WDR49: variants seen among roughly 807,000 people sequenced by gnomAD.
WDR49 encodes WD repeat domain 49, also known as cilia- and flagella-associated protein 337.
Under a neutral mutation model 119.5 loss-of-function variants are expected in WDR49, and 107 were observed. That is an observed-to-expected ratio of 0.90 (90% CI 0.77 to 1.05). The LOEUF is 1.05. WDR49 is among the 50% of genes least tolerant of loss of function. The probability of loss-of-function intolerance (pLI) is 0.00; values close to 1 mark genes in which losing one functional copy is unlikely to be tolerated. For missense variants in WDR49, 1,240 were observed against 1,220.5 expected, an observed-to-expected ratio of 1.02 and a Z score of -0.24; for synonymous variants, 425 against 418.8, an observed-to-expected ratio of 1.01 and a Z score of -0.18.
At chr3:167,548,233 A>G (rs1187432883) in intron 10 of WDR49, among the ~76,000 whole-genome samples, 1 of 151,982 alleles carries the variant, frequency 6.6e-6, no homozygotes, top group Non-Finnish European at 1.5e-5. Context: ...ACAGGATGAC[A>G]CTAAGGGGGC....
intron 16 of WDR49, among the ~76,000 whole-genome samples, chr3:167,519,272 C>T (rs551796805): frequency 3.2e-4 from 48 of 152,238 alleles, no homozygotes; most frequent in African/African-American, 1.1e-3. Context: ...TTTGACCCAG[C>T]AATCTCATTA....
intron 5 of WDR49, among the ~76,000 whole-genome samples, chr3:167,619,483 A>C (rs927870585): frequency 6.6e-6 from 1 of 152,164 alleles, no homozygotes; most frequent in Non-Finnish European, 1.5e-5. Context: ...AAAGAAAAAA[A>C]TGAAGAGCAC....
intron 7 of WDR49, among the ~76,000 whole-genome samples, chr3:167,597,297 A>G (rs1715527214): frequency 6.6e-6 from 1 of 152,254 alleles, no homozygotes; most frequent in Non-Finnish European, 1.5e-5. Context: ...CATGGTGTTG[A>G]GCCTGTGGGT....
At chr3:167,485,258 A>C (rs963160924) in intron 18 of WDR49, among the ~76,000 whole-genome samples, 1 of 152,028 alleles carries the variant, frequency 6.6e-6, no homozygotes, top group Non-Finnish European at 1.5e-5. Flanking sequence ...GGCTTAAAAC[A>C]TAGATGATAG....
intron 16 of WDR49, among the ~76,000 whole-genome samples, chr3:167,517,057 T>G (rs934673671): frequency 6.6e-6 from 1 of 152,032 alleles, no homozygotes; most frequent in Non-Finnish European, 1.5e-5. Context: ...CATTAAAAAG[T>G]CAGGAAACAA....
rs1406424617 is a variant in WDR49, at chr3:167,576,016, G to A, written c.1411C>T (p.Gln471Ter). 1.2e-6 allele frequency: 2 copies of A among 1,614,056 alleles called. No homozygotes were observed. The highest frequency in any genetic ancestry group is 2.2e-5 in the South Asian group (2 of 91,072). The change falls in exon 8 of 19, where the codon CAG becomes TAG. Residue 471 changes from glutamine to a stop codon, truncating the protein, a stop_gained. Transcript: ENST00000682715. LOFTEE classifies it high-confidence loss of function. Reference sequence around the variant, plus strand: ...CTTTTCATTGCCAACAATGCTAGCTGGTTATTAAACGAGATGAAAAGTCGT... The same window carrying A: ...CTTTTCATTGCCAACAATGCTAGCTAGTTATTAAACGAGATGAAAAGTCGT... ...HGRLFISFNN[Q>*]LALLAMKSEA... is the part of the protein sequence containing the mutation.
intron 11 of WDR49, among the ~76,000 whole-genome samples, chr3:167,536,623 T>C (rs1753037506): frequency 6.7e-6 from 1 of 149,996 alleles, no homozygotes; most frequent in South Asian, 2.1e-4. Flanking sequence ...GAGGTTACAA[T>C]CAGCTGAGAT....
At chr3:167,650,006 G>T (rs980544579) in intron 2 of WDR49, among the ~76,000 whole-genome samples, 2 of 152,132 alleles carry the variant, frequency 1.3e-5, no homozygotes, top group Admixed American at 6.6e-5. Context: ...CAAACGGGCA[G>T]CAATTAATCT....
At chr3:167,580,586 C>T (rs1560296088) in intron 7 of WDR49, among the ~76,000 whole-genome samples, 1 of 152,126 alleles carries the variant, frequency 6.6e-6, no homozygotes, top group African/African-American at 2.4e-5. Flanking sequence ...GAAATCTTTC[C>T]CTCAGCTTAA....
chr3:167,587,858 G>T, intron 7 of WDR49, among the ~76,000 whole-genome samples: 1 of 152,098 alleles, frequency 6.6e-6, no homozygotes, highest in Middle Eastern at 3.4e-3. Flanking sequence ...TTGATTACAT[G>T]AGATATTCTG....
chr3:167,591,057 C>T (rs1002670832), intron 7 of WDR49, among the ~76,000 whole-genome samples: 3 of 151,830 alleles, frequency 2.0e-5, no homozygotes, highest in Non-Finnish European at 4.4e-5. Flanking sequence ...GTAAACTTCT[C>T]TTTTAGTACT....
intron 18 of WDR49, among the ~76,000 whole-genome samples, chr3:167,493,063 C>T (rs1751213688): frequency 6.6e-6 from 1 of 152,118 alleles, no homozygotes; most frequent in Admixed American, 6.6e-5. Context: ...AGCTCTGTCA[C>T]TAAAGAGTAA....
chr3:167,620,776 G>C (rs946217706), intron 4 of WDR49, among the ~76,000 whole-genome samples, 173 bp from the exon 5 acceptor site: 3 of 152,136 alleles, frequency 2.0e-5, no homozygotes, highest in Admixed American at 2.0e-4. Flanking sequence ...TTAGTTTGGT[G>C]ATACAATTAC....
chr3:167,524,075 TA>T (rs1387536958), intron 15 of WDR49, among the ~76,000 whole-genome samples: 3 of 152,222 alleles, frequency 2.0e-5, no homozygotes, highest in Non-Finnish European at 4.4e-5. Flanking sequence ...CCAGACTTTT[TA>T]ATGATTGCCA....
At chr3:167,584,960 T>C (rs977369117) in intron 7 of WDR49, among the ~76,000 whole-genome samples, 2 of 152,132 alleles carry the variant, frequency 1.3e-5, no homozygotes, top group Non-Finnish European at 2.9e-5. Flanking sequence ...TTAACATTTT[T>C]TATTATCTTT....
At chr3:167,654,980 A>C (rs1577304495), upstream of WDR49, among the ~76,000 whole-genome samples, 1 of 152,108 alleles carries the variant, frequency 6.6e-6, no homozygotes, top group African/African-American at 2.4e-5. Flanking sequence ...AATGGCTCCC[A>C]AACTTCAGAT....
At chr3:167,616,454 TC>T (rs983597042) in intron 5 of WDR49, among the ~76,000 whole-genome samples, 3 of 152,112 alleles carry the variant, frequency 2.0e-5, no homozygotes, top group African/African-American at 7.2e-5. Flanking sequence ...CTACAATCAC[TC>T]TGACTTTCTT....
At chr3:167,509,173 C>T (rs890157742) in intron 16 of WDR49, among the ~76,000 whole-genome samples, 2 of 152,004 alleles carry the variant, frequency 1.3e-5, no homozygotes, top group Non-Finnish European at 2.9e-5. Flanking sequence ...TAAATGGTAA[C>T]CAAAGGAAAA....
At chr3:167,620,737 G>A (rs1371619169) in intron 4 of WDR49, 134 bp from the exon 5 acceptor site, 24 of 858,458 alleles carry the variant, frequency 2.8e-5, no homozygotes, top group Non-Finnish European at 4.0e-5. Flanking sequence ...AAAGGATGCA[G>A]GGTGTTATAC....
Sources: allele counts gnomAD v4.1 joint callset (sites outside exome capture counted in the v4.1 genomes callset), GRCh38; gene constraint gnomAD v4.1.1; transcripts MANE v1.5; gene names NCBI Gene and HGNC (gene_info 2026-07-23, HGNC 2026-07-21).